Variants in LAYN observed in about 807,000 individuals in gnomAD.
LAYN encodes the protein layilin.
Under a neutral mutation model 43.6 loss-of-function variants are expected in LAYN, and 38 were observed. The ratio of observed to expected loss-of-function variants is 0.87; its 90% CI spans 0.67 to 1.14. The LOEUF (loss-of-function observed/expected upper bound fraction) is 1.14. LAYN is among the 50% of genes most tolerant of loss of function. LAYN has a pLI of 0.00. For missense variants in LAYN, 479 were observed against 463.8 expected, an observed-to-expected ratio of 1.03 and a Z score of -0.30; for synonymous variants, 168 against 172.9, an observed-to-expected ratio of 0.97 and a Z score of 0.22.
chr11:111,555,111 A>G, intron 4 of LAYN, 96 bp from the exon 5 acceptor site: 1 of 908,034 alleles, frequency 1.1e-6, no homozygotes, highest in Non-Finnish European at 1.7e-6. Context: ...AAATTTCTAC[A>G]GCTTTTTTGC....
chr11:111,544,218 T>G lies in LAYN; in HGVS notation c.381T>G (p.Phe127Leu), dbSNP rs756191095. Residue 127 changes from phenylalanine to leucine, a missense_variant and splice_region_variant, in exon 2 of 7, where the codon TTT becomes TTG. By Grantham distance (22) the Phe-to-Leu change is conservative. Transcript: ENST00000375614. ...GGACTGATGGCAGCATATCACAATTTAGGTAAGTGTGTGGAACCCACAGCT... is the reference window on the plus strand; with the variant it reads ...GGACTGATGGCAGCATATCACAATTGAGGTAAGTGTGTGGAACCCACAGCT... ...YAWTDGSISQ[F>L]RNWYVDEPSC... 6.2e-7 allele frequency: 1 copy of G among 1,610,068 alleles called. No individual in the cohort carries two copies. Among genetic ancestry groups the G allele is most frequent in the East Asian group, 2.2e-5 (1 of 44,844 alleles).
At chr11:111,553,165 C>T (rs1015974245) in intron 3 of LAYN, among the ~76,000 whole-genome samples, 21 of 151,996 alleles carry the variant, frequency 1.4e-4, no homozygotes, top group African/African-American at 4.6e-4. Flanking sequence ...ATGGCAGGAA[C>T]CCAGGAGGCA....
intron 3 of LAYN, among the ~76,000 whole-genome samples, chr11:111,551,860 A>C (rs924505874): frequency 2.2e-4 from 34 of 152,180 alleles, no homozygotes; most frequent in Non-Finnish European, 4.3e-4. Flanking sequence ...GTATTGCATC[A>C]ATGTTAATTT....
At chr11:111,546,191 T>A (rs1222144337) in intron 2 of LAYN, among the ~76,000 whole-genome samples, 1 of 152,166 alleles carries the variant, frequency 6.6e-6, no homozygotes, top group Non-Finnish European at 1.5e-5. Context: ...TGGTCTTTAA[T>A]ATCTGATGAA....
At chr11:111,549,890 C>A in intron 3 of LAYN, 115 bp downstream of exon 3, 1 of 1,090,220 alleles carries the variant, frequency 9.2e-7, no homozygotes. Context: ...GTTGCAAATG[C>A]CAGCAACATA....
intron 6 of LAYN, 74 bp downstream of exon 6, chr11:111,557,717 T>C (rs1257579280): frequency 1.6e-6 from 2 of 1,260,376 alleles, no homozygotes; most frequent in Non-Finnish European, 2.3e-6. Flanking sequence ...CCTTGTTTAC[T>C]TCATTAAAAC....
chr11:111,551,527 G>T (rs1867744115), intron 3 of LAYN: 1 of 424,486 alleles, frequency 2.4e-6, no homozygotes. Context: ...TGCCAGAAGA[G>T]GATCGGCACA....
intron 2 of LAYN, among the ~76,000 whole-genome samples, chr11:111,544,547 G>A (rs770226087): frequency 6.6e-5 from 10 of 152,154 alleles, no homozygotes; most frequent in Non-Finnish European, 1.5e-4. Context: ...GATCCAAAGG[G>A]CTATGACTCA....
intron 2 of LAYN, among the ~76,000 whole-genome samples, chr11:111,548,587 C>G (rs1389978216): frequency 6.6e-6 from 1 of 152,168 alleles, no homozygotes; most frequent in African/African-American, 2.4e-5. Context: ...AAATTCAATC[C>G]AGTGAGTGCA....
chr11:111,540,789 A>T lies in LAYN; in HGVS notation c.-55A>T. 3 of 1,487,710 alleles carry T rather than the reference A, an allele frequency of 2.0e-6. No homozygotes were observed. The Admixed American group carries it at 6.3e-5, about 31-fold the overall frequency. The allele number at this position is 1,487,710 out of a possible 1,614,324, so 92.2% of individuals were successfully genotyped here. On this transcript the variant is annotated 5_prime_UTR_variant, in exon 1 of 7. Transcript: ENST00000375614. ...GTTGTCGCGCACGCCTCTGCCCGCC[A>T]GCCCGCTCCACCGCCGTAGCGCCCG...
At chr11:111,545,083 C>T (rs1000341042) in intron 2 of LAYN, among the ~76,000 whole-genome samples, 4 of 144,158 alleles carry the variant, frequency 2.8e-5, no homozygotes, top group Non-Finnish European at 3.1e-5. Context: ...TATTTTTTAC[C>T]TATTACATTT....
chr11:111,545,347 G>A (rs1364840873), intron 2 of LAYN, among the ~76,000 whole-genome samples: 9 of 152,106 alleles, frequency 5.9e-5, no homozygotes, highest in African/African-American at 9.7e-5. Context: ...TGGTCTCAAC[G>A]GTTGACCTTG....
intron 2 of LAYN, among the ~76,000 whole-genome samples, chr11:111,544,765 A>G (rs1339938354): frequency 2.0e-5 from 3 of 152,188 alleles, no homozygotes; most frequent in African/African-American, 7.2e-5. Flanking sequence ...AATGACATAG[A>G]CAAACATTTA....
chr11:111,541,879 AC>A (rs1867547886), intron 1 of LAYN, among the ~76,000 whole-genome samples: 2 of 151,972 alleles, frequency 1.3e-5, no homozygotes, highest in Admixed American at 1.3e-4. Context: ...AGGCCCTCCC[AC>A]CCTTCGCCTT....
chr11:111,555,971 T>C (rs921147311), intron 5 of LAYN, among the ~76,000 whole-genome samples: 1 of 152,186 alleles, frequency 6.6e-6, no homozygotes, highest in Non-Finnish European at 1.5e-5. Flanking sequence ...ATTCCAGAGT[T>C]GGCACACACT....
intron 3 of LAYN, among the ~76,000 whole-genome samples, chr11:111,554,189 G>A (rs994353222): frequency 6.6e-6 from 1 of 152,148 alleles, no homozygotes; most frequent in African/African-American, 2.4e-5. Context: ...GTGCAGGGGA[G>A]AGGAGTAGGG....
intron 6 of LAYN, 131 bp from the exon 7 acceptor site, chr11:111,559,964 G>C (rs1212522014): frequency 1.9e-6 from 2 of 1,063,422 alleles, no homozygotes; most frequent in Non-Finnish European, 2.7e-6. Context: ...GCCCTGGCCT[G>C]TAAGTTACAT....
In LAYN at chr11:111,540,771, C is replaced by T. The variant is rs1250336022; in HGVS notation, c.-73C>T. 1 of 1,407,826 alleles carries T rather than the reference C, an allele frequency of 7.1e-7. No homozygotes were observed. Among genetic ancestry groups the T allele is most frequent in the Non-Finnish European group, 9.4e-7 (1 of 1,062,238 alleles). 87.2% of individuals were successfully genotyped at this position (1,407,826 alleles called of 1,614,324 possible). A position where few individuals can be genotyped will look rare whatever the true frequency, so the allele number is the denominator to read the frequency against. On this transcript the variant is annotated 5_prime_UTR_variant, in exon 1 of 7. Transcript: ENST00000375614. Reference sequence around the variant, plus strand: ...GCTGCTGCCGCGGTTGCAGTTGTCGCGCACGCCTCTGCCCGCCAGCCCGCT... The same window carrying T: ...GCTGCTGCCGCGGTTGCAGTTGTCGTGCACGCCTCTGCCCGCCAGCCCGCT...
intron 1 of LAYN, among the ~76,000 whole-genome samples, chr11:111,542,506 TTCTA>T (rs1419425295): frequency 2.0e-5 from 3 of 152,194 alleles, no homozygotes; most frequent in South Asian, 2.1e-4. Flanking sequence ...AATCATATAG[TTCTA>T]TCTGTCTGTG....
Sources: gnomAD v4.1 joint callset for allele counts (sites outside exome capture counted in the v4.1 genomes callset) on GRCh38, gnomAD v4.1.1 for gene constraint, MANE v1.5 for transcripts, NCBI Gene and HGNC (gene_info 2026-07-23, HGNC 2026-07-21) for gene names.